LRMDA: variants seen among roughly 807,000 people sequenced by gnomAD.
LRMDA encodes leucine-rich melanocyte differentiation-associated protein.
Under a neutral mutation model 29.8 loss-of-function variants are expected in LRMDA, and 18 were observed. The observed-to-expected ratio is 0.60, with a 90% CI of 0.42 to 0.90. The LOEUF is 0.90. Ranked by LOEUF, LRMDA falls within the 40% of genes least tolerant of loss-of-function variation. The pLI is 0.00. For synonymous variants in LRMDA, 125 were observed against 109.4 expected, an observed-to-expected ratio of 1.14 and a Z score of -0.89; for missense variants, 273 against 273.9, an observed-to-expected ratio of 1.00 and a Z score of 0.02.
At chr10:75,929,162 A>C (rs1846168423) in intron 2 of LRMDA, among the ~76,000 whole-genome samples, 1 of 152,148 alleles carries the variant, frequency 6.6e-6, no homozygotes, top group African/African-American at 2.4e-5. Flanking sequence ...GCAGTGCACT[A>C]GATACAGCAC....
chr10:75,816,126 C>T (rs973835804), intron 2 of LRMDA, among the ~76,000 whole-genome samples: 2 of 152,228 alleles, frequency 1.3e-5, no homozygotes, highest in Non-Finnish European at 2.9e-5. Context: ...GATCTCTCTG[C>T]TACCTGTCAT....
At chr10:76,007,808 C>T (rs55822193) in intron 2 of LRMDA, among the ~76,000 whole-genome samples, 21,931 of 152,134 alleles carry the variant, frequency 0.14, 1,990 homozygotes, top group South Asian at 0.23. Flanking sequence ...GAAGGGGAGC[C>T]GAGGCCGTCT....
chr10:75,600,726 A>C (rs2132091211), intron 2 of LRMDA, among the ~76,000 whole-genome samples: 2 of 152,280 alleles, frequency 1.3e-5, no homozygotes, highest in South Asian at 2.1e-4. Context: ...ATTTGTATTA[A>C]GTGGAATCCA....
intron 6 of LRMDA, among the ~76,000 whole-genome samples, chr10:76,416,471 G>A (rs1432155485): frequency 2.0e-5 from 3 of 152,130 alleles, no homozygotes; most frequent in Non-Finnish European, 2.9e-5. Context: ...TACCTACTAT[G>A]CTGCCTTTTT....
At chr10:76,374,619 C>T (rs186171732) in intron 6 of LRMDA, among the ~76,000 whole-genome samples, 10 of 152,196 alleles carry the variant, frequency 6.6e-5, no homozygotes, top group South Asian at 6.2e-4. Context: ...CTTGAGTATA[C>T]GACACAAATA....
chr10:75,435,211 T>C (rs1040879718), intron 1 of LRMDA, among the ~76,000 whole-genome samples: 1 of 152,232 alleles, frequency 6.6e-6, no homozygotes, highest in Non-Finnish European at 1.5e-5. Flanking sequence ...CTTGCTTCTG[T>C]GCCATTTAAG....
intron 5 of LRMDA, among the ~76,000 whole-genome samples, chr10:76,170,138 G>C (rs1366149092): frequency 6.6e-6 from 1 of 152,168 alleles, no homozygotes; most frequent in African/African-American, 2.4e-5. Context: ...GAATTCAGGA[G>C]CGGATCAGGG....
At chr10:75,536,425 T>TATAC (rs1231562377) in intron 2 of LRMDA, among the ~76,000 whole-genome samples, 2 of 152,190 alleles carry the variant, frequency 1.3e-5, no homozygotes, top group African/African-American at 2.4e-5. Flanking sequence ...TAACTATGTA[T>TATAC]ATACCCTGGT....
At chr10:76,157,458 TA>T (rs2132173124) in intron 5 of LRMDA, among the ~76,000 whole-genome samples, 1 of 152,060 alleles carries the variant, frequency 6.6e-6, no homozygotes, top group Admixed American at 6.6e-5. Context: ...AAAAGTTTTT[TA>T]AAAAATTAGC....
intron 6 of LRMDA, among the ~76,000 whole-genome samples, chr10:76,472,876 A>G (rs939821446): frequency 6.6e-6 from 1 of 151,544 alleles, no homozygotes; most frequent in African/African-American, 2.4e-5. Flanking sequence ...TAAACAAACA[A>G]ACAAAAAACA....
chr10:75,653,896 C>T (rs1331739057), intron 2 of LRMDA, among the ~76,000 whole-genome samples: 1 of 152,156 alleles, frequency 6.6e-6, no homozygotes, highest in Non-Finnish European at 1.5e-5. Context: ...CTAGGTATAC[C>T]CTTTTTCCAC....
At chr10:76,451,157 CTTAATTTGGGATGTCT>C (rs913461677) in intron 6 of LRMDA, among the ~76,000 whole-genome samples, 2 of 151,834 alleles carry the variant, frequency 1.3e-5, no homozygotes, top group African/African-American at 4.8e-5. Context: ...AAGTGATGTA[CTTAATTTGGGATGTCT>C]AGGAAGCATT....
At chr10:75,606,799 G>A (rs2132095422) in intron 2 of LRMDA, among the ~76,000 whole-genome samples, 1 of 152,318 alleles carries the variant, frequency 6.6e-6, no homozygotes, top group Non-Finnish European at 1.5e-5. Context: ...GTATTTTTAT[G>A]TCTGTATCTC....
At chr10:76,385,124 G>T (rs754148241) in intron 6 of LRMDA, among the ~76,000 whole-genome samples, 11 of 152,134 alleles carry the variant, frequency 7.2e-5, no homozygotes, top group Non-Finnish European at 1.3e-4. Flanking sequence ...CGGAAATCCT[G>T]GTTTTCAACT....
chr10:76,356,899 G>C (rs1387576018), intron 6 of LRMDA, among the ~76,000 whole-genome samples: 2 of 152,130 alleles, frequency 1.3e-5, no homozygotes, highest in Non-Finnish European at 2.9e-5. Flanking sequence ...GGGTGGGAGG[G>C]ATATAAACAA....
At chr10:76,198,057 A>G (rs900308337) in intron 5 of LRMDA, among the ~76,000 whole-genome samples, 1 of 152,226 alleles carries the variant, frequency 6.6e-6, no homozygotes, top group Admixed American at 6.5e-5. Context: ...AAAGTGATTC[A>G]GTAGGACCAT....
chr10:76,201,099 T>G (rs915828951), intron 5 of LRMDA, among the ~76,000 whole-genome samples: 2 of 141,362 alleles, frequency 1.4e-5, no homozygotes, highest in Non-Finnish European at 3.0e-5. Context: ...ATTTATTTAT[T>G]TATTTATTTA....
At chr10:75,526,985 T>G (rs774398934) in intron 2 of LRMDA, among the ~76,000 whole-genome samples, 2 of 152,230 alleles carry the variant, frequency 1.3e-5, no homozygotes, top group Non-Finnish European at 2.9e-5. Flanking sequence ...TTGAACATTT[T>G]CATGCCTCCA....
Position 76,045,302 on chromosome 10 carries a change from C to T in LRMDA, c.259-1862C>T, listed in dbSNP as rs576245937. On this transcript the variant is annotated intron_variant, in intron 3 of 6. Transcript: ENST00000611255. The stretch of plus-strand genomic sequence containing the variant: ...TCTCTGGTTAGTTTCCCTCTCTTGC[C>T]AGTTTCCCCCTCTCTTGCTAGTTTC... Among the ~76,000 whole-genome samples the T allele has an allele frequency of 1.2e-3, 136 of 117,814 alleles. 2 individuals carry two copies. The Admixed American group carries it at 0.012, about 10-fold the overall frequency. 77.3% of individuals were successfully genotyped at this position (117,814 alleles called of 152,430 possible). A position where few individuals can be genotyped will look rare whatever the true frequency, so the allele number is the denominator to read the frequency against.
Sources: gnomAD v4.1 joint callset for allele counts (sites outside exome capture counted in the v4.1 genomes callset) on GRCh38, gnomAD v4.1.1 for gene constraint, MANE v1.5 for transcripts, NCBI Gene and HGNC (gene_info 2026-07-23, HGNC 2026-07-21) for gene names.